Variants in DGKD observed in about 807,000 individuals in gnomAD.
DGKD encodes diacylglycerol kinase delta.
In DGKD, 68 loss-of-function variants were observed where a neutral mutation model predicts 154.4. The ratio of observed to expected loss-of-function variants is 0.44; its 90% CI spans 0.36 to 0.54. The LOEUF (loss-of-function observed/expected upper bound fraction) is 0.54. Ranked by LOEUF, DGKD falls within the 20% of genes least tolerant of loss-of-function variation. The pLI, the probability that DGKD is intolerant of heterozygous loss-of-function variation, is 0.00. For missense variants in DGKD, 1,343 were observed against 1,593.6 expected (o/e 0.84, Z 2.68); for synonymous variants, 693 against 638.0 (o/e 1.09, Z -1.30).
At chr2:233,376,625 G>A (rs1038838471) in intron 1 of DGKD, among the ~76,000 whole-genome samples, 2 of 151,784 alleles carry the variant, frequency 1.3e-5, no homozygotes, top group Non-Finnish European at 2.9e-5. Flanking sequence ...TAAGTTCTAG[G>A]GTCCTTTGTA....
At chr2:233,371,979 A>G (rs1475748624) in intron 1 of DGKD, among the ~76,000 whole-genome samples, 1 of 152,212 alleles carries the variant, frequency 6.6e-6, no homozygotes, top group African/African-American at 2.4e-5. Flanking sequence ...AAGTATCTGC[A>G]TTTCAGAATT....
At chr2:233,402,725 T>A (rs557197570) in intron 3 of DGKD, among the ~76,000 whole-genome samples, 1 of 152,192 alleles carries the variant, frequency 6.6e-6, no homozygotes. Flanking sequence ...CTGGAAAACT[T>A]GTTTATCCCA....
intron 1 of DGKD, among the ~76,000 whole-genome samples, chr2:233,359,693 A>G (rs1701691331): frequency 6.6e-6 from 1 of 152,192 alleles, no homozygotes; most frequent in Non-Finnish European, 1.5e-5. Flanking sequence ...TAGGTATTAC[A>G]TTTTGTATTT....
intron 1 of DGKD, among the ~76,000 whole-genome samples, chr2:233,360,954 T>G (rs1434394738): frequency 1.3e-5 from 2 of 151,242 alleles, no homozygotes. Context: ...GATCTCCGAC[T>G]TCCAGCCCCC....
intron 3 of DGKD, among the ~76,000 whole-genome samples, chr2:233,423,520 T>G (rs1002723329): frequency 1.3e-5 from 2 of 152,124 alleles, no homozygotes; most frequent in African/African-American, 4.8e-5. Context: ...GTATCTTCTG[T>G]GTGCTTATTT....
chr2:233,454,447 C>T (rs1049567488), intron 18 of DGKD: 5 of 481,782 alleles, frequency 1.0e-5, no homozygotes, highest in South Asian at 3.1e-5. Context: ...GGAAAGTAGA[C>T]GAGAGGCGCC....
At chr2:233,463,300 C>G (rs1345030667) in intron 26 of DGKD, among the ~76,000 whole-genome samples, 1 of 151,608 alleles carries the variant, frequency 6.6e-6, no homozygotes, top group Non-Finnish European at 1.5e-5. Flanking sequence ...CACGCATCAC[C>G]TCACTCCACA....
At chr2:233,377,792 G>GTTGC (rs1034221850) in intron 1 of DGKD, among the ~76,000 whole-genome samples, 2 of 152,038 alleles carry the variant, frequency 1.3e-5, no homozygotes, top group Non-Finnish European at 1.5e-5. Flanking sequence ...AGCAGAATGT[G>GTTGC]TTGCCTCTTT....
At position 233,446,727 on chromosome 2, in the gene DGKD, A is replaced by T; in HGVS notation, c.1350A>T (p.Ala450=). ...GTGTGTGCAGGTGGAGCGTCATGGC[A>T]TACGAGGCCAAGCTCCCCCGGCAGG... ...TKMLDRWSVM[A]YEAKLPRQAS... Residue 450 remains alanine, a synonymous_variant, in exon 12 of 30, where the codon GCA becomes GCT. Transcript: ENST00000264057. 1 of 1,614,000 alleles carries T rather than the reference A, an allele frequency of 6.2e-7. No individual in the cohort carries two copies. Among genetic ancestry groups the T allele is most frequent in the Non-Finnish European group, 8.5e-7 (1 of 1,180,016 alleles).
intron 1 of DGKD, among the ~76,000 whole-genome samples, chr2:233,364,875 A>G (rs571838379): frequency 6.6e-6 from 1 of 152,342 alleles, no homozygotes; most frequent in South Asian, 2.1e-4. Flanking sequence ...TTTGAAAGAG[A>G]TACGTTTAAA....
chr2:233,406,117 G>A (rs1005101015), intron 3 of DGKD, among the ~76,000 whole-genome samples: 2 of 152,100 alleles, frequency 1.3e-5, no homozygotes, highest in Non-Finnish European at 2.9e-5. Context: ...TGGCTGCATC[G>A]CTTCAAGATC....
At chr2:233,434,621 C>A in intron 4 of DGKD, 137 bp downstream of exon 4, 1 of 1,439,322 alleles carries the variant, frequency 6.9e-7, no homozygotes, top group African/African-American at 1.4e-5. Context: ...ACAATTAAAG[C>A]TTATTGCTTG....
rs1335769812 is a variant in DGKD, at chr2:233,449,170, C to G, written c.1682C>G (p.Ser561Cys). 1.2e-6 allele frequency: 2 copies of G among 1,613,618 alleles called. No homozygotes were observed. Among genetic ancestry groups the G allele is most frequent in the Non-Finnish European group, 1.7e-6 (2 of 1,179,834 alleles). ...TTGGACGATGAGTCCCAGGCCTCGT[C>G]CTCTCTGCCCAACCCGCCCCCCACC... Reference protein sequence around the residue: ...KTLDDESQASSSLPNPPPTIA... With the variant: ...KTLDDESQASCSLPNPPPTIA... Residue 561 changes from serine (S) to cysteine (C), a missense_variant, in exon 15 of 30, where the codon TCC becomes TGC. By Grantham distance (112) the Ser-to-Cys change is moderately radical (BLOSUM62 -1). Around this residue, in one of 6 missense-constraint regions of DGKD, gnomAD observed 409 missense variants for 446.0 expected, o/e 0.92. Transcript: ENST00000264057. This position sits in a 1 kb window ranked among gnomAD's most constrained non-coding sequence, Gnocchi z 5.3.
In DGKD at chr2:233,457,820, C is replaced by T. The variant is rs938762365; in HGVS notation, c.2581-464C>T. On this transcript the variant is annotated intron_variant, in intron 21 of 29. Transcript: ENST00000264057. This position sits in a 1 kb window ranked among gnomAD's most constrained non-coding sequence, Gnocchi z 5.5. Reference sequence around the variant, plus strand: ...GCTGCAGGGCCTGGGTCACACTGGGCTGTGTGAGCTGGGGAAGAAGTTTGG... The same window carrying T: ...GCTGCAGGGCCTGGGTCACACTGGGTTGTGTGAGCTGGGGAAGAAGTTTGG... The T allele has an allele frequency of 8.0e-5, 27 of 339,078 alleles. No individual in the cohort carries two copies. The East Asian group carries it at 1.8e-3, about 23-fold the overall frequency. The allele number at this position is 339,078 out of a possible 1,614,324, so 21.0% of individuals were successfully genotyped here.
chr2:233,468,281 TGCTGCTGGGCTGTCTCGGGTGCTG>T, intron 28 of DGKD, 118 bp from the exon 29 acceptor site: 1 of 963,420 alleles, frequency 1.0e-6, no homozygotes, highest in South Asian at 1.8e-5. Context: ...AGGCGCTGGC[TGCTGCTGGGCTGTCTCGGGTGCTG>T]GCTGTTGGGA....
At chr2:233,391,417 C>T (rs918953632) in intron 3 of DGKD, among the ~76,000 whole-genome samples, 2 of 151,916 alleles carry the variant, frequency 1.3e-5, no homozygotes, top group Non-Finnish European at 2.9e-5. Flanking sequence ...TTTTTCCCCC[C>T]CCAGGACAAT....
intron 1 of DGKD, among the ~76,000 whole-genome samples, chr2:233,360,495 C>T (rs1400961514): frequency 6.6e-6 from 1 of 151,570 alleles, no homozygotes; most frequent in Non-Finnish European, 1.5e-5. Flanking sequence ...TGGGCTCAAG[C>T]GATCCTCCCC....
chr2:233,436,863 C>T (rs568357375), intron 7 of DGKD, among the ~76,000 whole-genome samples: 7 of 152,280 alleles, frequency 4.6e-5, no homozygotes, highest in African/African-American at 1.7e-4. Flanking sequence ...CCAGTGGCCT[C>T]CTGCCAGGTC....
intron 1 of DGKD, among the ~76,000 whole-genome samples, chr2:233,375,983 T>G (rs1045755127): frequency 2.6e-5 from 4 of 152,180 alleles, no homozygotes; most frequent in Non-Finnish European, 5.9e-5. Context: ...ACTCAAGTGT[T>G]CAATAAACAT....
Sources: gnomAD v4.1 joint callset for allele counts (sites outside exome capture counted in the v4.1 genomes callset) on GRCh38, gnomAD v4.1.1 for gene constraint, gnomAD v4.1.1 regional missense constraint, Gnocchi (gnomAD v3.1) non-coding constraint, MANE v1.5 for transcripts, NCBI Gene and HGNC (gene_info 2026-07-23, HGNC 2026-07-21) for gene names.